TP63: variants seen among roughly 807,000 people sequenced by gnomAD.
TP63 encodes the protein tumor protein p63, also known as tumor protein 63.
TP63 carries 17 observed loss-of-function variants against 82.8 expected under a neutral mutation model. The observed-to-expected ratio is 0.21, with a 90% CI of 0.14 to 0.31. The LOEUF (loss-of-function observed/expected upper bound fraction) is 0.31, where lower values mean the gene tolerates loss of function less well. Among genes scored for constraint, TP63 ranks in the 10% least tolerant of loss-of-function variants. TP63 has a pLI of 1.00. For missense variants in TP63, 648 were observed against 895.3 expected (o/e 0.72, Z 3.52); for synonymous variants, 330 against 321.7 (o/e 1.03, Z -0.28).
intron 1 of TP63, among the ~76,000 whole-genome samples, chr3:189,716,788 A>C (rs1190736281): frequency 6.6e-6 from 1 of 151,862 alleles, no homozygotes; most frequent in African/African-American, 2.4e-5. Context: ...AAGAGCTATC[A>C]GAATCTCTTA....
At chr3:189,624,235 C>A in the TP63 span, among the ~76,000 whole-genome samples, 1 of 152,206 alleles carries the variant, frequency 6.6e-6, no homozygotes, top group South Asian at 2.1e-4. Context: ...TATTTACATT[C>A]TTTTGCAGCA....
chr3:189,694,790 C>CTTTTTTTTTTTTTTTTTTTT lies in TP63; in HGVS notation c.63-42936_63-42917dup, dbSNP rs71175304. Among the ~76,000 whole-genome samples the CTTTTTTTTTTTTTTTTTTTT allele has an allele frequency of 7.9e-4, 26 of 32,756 alleles. 7 individuals are homozygous for CTTTTTTTTTTTTTTTTTTTT. Among genetic ancestry groups the CTTTTTTTTTTTTTTTTTTTT allele is most frequent in the African/African-American group, 8.9e-4 (8 of 8,954 alleles). 21.5% of individuals were successfully genotyped at this position (32,756 alleles called of 152,430 possible). A position where few individuals can be genotyped will look rare whatever the true frequency, so the allele number is the denominator to read the frequency against. On this transcript the variant is annotated intron_variant, in intron 1 of 13. Transcript: ENST00000264731. Reference sequence around the variant, plus strand: ...TTGAAAGGAGGCCAGTATTTACAGCCTTTTTTTTTTTTTTTTTTTTTTTTT... The same window carrying CTTTTTTTTTTTTTTTTTTTT: ...TTGAAAGGAGGCCAGTATTTACAGCCTTTTTTTTTTTTTTTTTTTTTTTTTTTTTTTTTTTTTTTTTTTTT...
At chr3:189,659,027 A>G (rs928095494) in intron 1 of TP63, among the ~76,000 whole-genome samples, 142 of 152,166 alleles carry the variant, frequency 9.3e-4, no homozygotes, top group African/African-American at 3.2e-3. Context: ...ACGCTATTCT[A>G]AAATAAAAGT....
At chr3:189,876,179 A>T (rs1270666781) in intron 10 of TP63, among the ~76,000 whole-genome samples, 1 of 152,234 alleles carries the variant, frequency 6.6e-6, no homozygotes, top group Non-Finnish European at 1.5e-5. Flanking sequence ...TGAGAAAAAG[A>T]ATAGTTTCAT....
the TP63 span, among the ~76,000 whole-genome samples, chr3:189,603,320 A>T: frequency 3.3e-5 from 5 of 152,086 alleles, no homozygotes; most frequent in African/African-American, 1.2e-4. Flanking sequence ...CTCTCTTCTC[A>T]TCTATAAGGT....
At chr3:189,852,944 C>T (rs1048784701) in intron 4 of TP63, among the ~76,000 whole-genome samples, 33 of 152,184 alleles carry the variant, frequency 2.2e-4, no homozygotes, top group Admixed American at 1.5e-3. Context: ...ACTGTTGTCT[C>T]CTGGCTTTTT....
At chr3:189,880,232 A>AGT (rs147985284) in intron 10 of TP63, 233 of 1,572,774 alleles carry the variant, frequency 1.5e-4, no homozygotes, top group African/African-American at 6.5e-4. Context: ...TGTATATGTG[A>AGT]GTGTGTGTGT....
intron 1 of TP63, among the ~76,000 whole-genome samples, chr3:189,696,296 A>G (rs977440491): frequency 3.9e-5 from 6 of 152,112 alleles, no homozygotes; most frequent in African/African-American, 1.2e-4. Flanking sequence ...ACTTGGAATC[A>G]TATGGTATGT....
At chr3:189,885,506 T>A (rs927677846) in intron 10 of TP63, among the ~76,000 whole-genome samples, 1 of 152,228 alleles carries the variant, frequency 6.6e-6, no homozygotes, top group South Asian at 2.1e-4. Flanking sequence ...TCCTAACAGA[T>A]GACGGAGGAA....
At chr3:189,806,040 CT>C (rs34836784) in intron 3 of TP63, among the ~76,000 whole-genome samples, 3,190 of 52,018 alleles carry the variant, frequency 0.061, 26 homozygotes, top group Admixed American at 0.12. Flanking sequence ...GAAGCAAACA[CT>C]TTTTTTTTTT....
chr3:189,713,942 A>G (rs1178819023), intron 1 of TP63, among the ~76,000 whole-genome samples: 3 of 152,184 alleles, frequency 2.0e-5, no homozygotes, highest in African/African-American at 7.2e-5. Context: ...TTTGTTCAGT[A>G]TGGAAAGAGT....
chr3:189,641,195 A>G (rs1406077979), intron 1 of TP63, among the ~76,000 whole-genome samples: 1 of 152,140 alleles, frequency 6.6e-6, no homozygotes, highest in Non-Finnish European at 1.5e-5. Flanking sequence ...GCACATATTT[A>G]TTAAATACTT....
intron 1 of TP63, among the ~76,000 whole-genome samples, chr3:189,666,497 A>G (rs1215235960): frequency 6.6e-6 from 1 of 152,148 alleles, no homozygotes; most frequent in African/African-American, 2.4e-5. Context: ...AGCAAAAACA[A>G]TGAAATTGGG....
At chr3:189,773,523 G>C (rs1012223908) in intron 3 of TP63, among the ~76,000 whole-genome samples, 1 of 152,164 alleles carries the variant, frequency 6.6e-6, no homozygotes, top group Admixed American at 6.5e-5. Flanking sequence ...AGCCAAAATT[G>C]TTTCCTTTTA....
intron 1 of TP63, among the ~76,000 whole-genome samples, chr3:189,675,712 C>G (rs1223373802): frequency 2.0e-5 from 3 of 152,084 alleles, no homozygotes; most frequent in Non-Finnish European, 4.4e-5. Flanking sequence ...CCTGCTCCCC[C>G]TCACCCACCA....
chr3:189,778,081 G>A (rs1723958785), intron 3 of TP63, among the ~76,000 whole-genome samples: 1 of 151,910 alleles, frequency 6.6e-6, no homozygotes, highest in African/African-American at 2.4e-5. Context: ...AGCCATGGCT[G>A]GTCTCGAACT....
intron 3 of TP63, among the ~76,000 whole-genome samples, chr3:189,777,796 T>TGAG (rs1478960833): frequency 6.7e-6 from 1 of 148,656 alleles, no homozygotes; most frequent in African/African-American, 2.5e-5. Context: ...CTATACTAGA[T>TGAG]GAGGAAGTCT....
At chr3:189,632,289 AG>A (rs201185865) in intron 1 of TP63, among the ~76,000 whole-genome samples, 2,088 of 152,264 alleles carry the variant, frequency 0.014, 55 homozygotes, top group African/African-American at 0.048. Context: ...TTAGTTTAAC[AG>A]CATGAGATTT....
chr3:189,713,454 A>G (rs901911889), intron 1 of TP63, among the ~76,000 whole-genome samples: 2 of 152,236 alleles, frequency 1.3e-5, no homozygotes, highest in East Asian at 1.9e-4. Flanking sequence ...TTTTCATTTG[A>G]AACGAGTTCA....
Sources: allele counts gnomAD v4.1 joint callset (sites outside exome capture counted in the v4.1 genomes callset), GRCh38; gene constraint gnomAD v4.1.1; transcripts MANE v1.5; gene names NCBI Gene and HGNC (gene_info 2026-07-23, HGNC 2026-07-21).